Variants in TG observed in about 807,000 individuals in gnomAD.
TG encodes thyroglobulin, also known as thyroid hormones.
In TG, 270 loss-of-function variants were observed where a neutral mutation model predicts 324.7. The observed-to-expected ratio is 0.83, with a 90% confidence interval of 0.75 to 0.92. The LOEUF is 0.92. Among genes scored for constraint, TG ranks in the 40% least tolerant of loss-of-function variants. TG has a pLI of 0.00. For synonymous variants in TG, 1,401 were observed against 1,327.0 expected (o/e 1.06, Z -1.21); for missense variants, 3,591 against 3,456.4 (o/e 1.04, Z -0.98).
chr8:132,907,750 A>G (rs1314957986), intron 17 of TG, among the ~76,000 whole-genome samples: 1 of 152,150 alleles, frequency 6.6e-6, no homozygotes, highest in African/African-American at 2.4e-5. Flanking sequence ...AGAGGCACAA[A>G]TCTTGAGCTC....
chr8:132,879,605 C>A (rs1013115160), intron 5 of TG, among the ~76,000 whole-genome samples: 6 of 152,214 alleles, frequency 3.9e-5, no homozygotes, highest in African/African-American at 1.2e-4. Flanking sequence ...AAGATGGCAG[C>A]ACAGGGTGTC....
intron 35 of TG, among the ~76,000 whole-genome samples, chr8:132,996,006 C>T (rs1170431385): frequency 6.6e-6 from 1 of 152,162 alleles, no homozygotes; most frequent in Non-Finnish European, 1.5e-5. Context: ...CTTTATGAGG[C>T]TGCAGCTGAG....
chr8:132,983,346 T>A lies in TG; in HGVS notation c.6200-4T>A, dbSNP rs754351468. ...GAACTGAAAGACTGCTTTTTCCTTT[T>A]CAGTTGCTCAAAATAATGCTCCCAG... On this transcript the variant is annotated splice_polypyrimidine_tract_variant and splice_region_variant and intron_variant, in intron 34 of 47. Transcript: ENST00000220616. 2 of 1,614,154 alleles carry A rather than the reference T, an allele frequency of 1.2e-6. No individual in the cohort carries two copies. Among genetic ancestry groups the A allele is most frequent in the Non-Finnish European group, 8.5e-7 (1 of 1,180,006 alleles).
chr8:132,903,844 T>C (rs997104006), intron 16 of TG, among the ~76,000 whole-genome samples: 2 of 152,170 alleles, frequency 1.3e-5, no homozygotes, highest in African/African-American at 2.4e-5. Flanking sequence ...TCTCAATCTG[T>C]GAAATGAGAA....
chr8:133,096,491 T>C, intron 43 of TG, 118 bp downstream of exon 43: 1 of 1,263,504 alleles, frequency 7.9e-7, no homozygotes, highest in Non-Finnish European at 1.1e-6. Context: ...CTGTGTGCAA[T>C]GCCTATGTGA....
intron 45 of TG, among the ~76,000 whole-genome samples, chr8:133,124,002 G>A (rs753588479): frequency 2.7e-4 from 41 of 152,370 alleles, no homozygotes; most frequent in Non-Finnish European, 4.3e-4. Flanking sequence ...ATGCTGCTTC[G>A]TGTATTATGC....
At position 132,883,039 on chromosome 8, in the gene TG, C is replaced by T. The variant is rs767810659; in HGVS notation, c.1075+40C>T. On this transcript the variant is annotated intron_variant, in intron 8 of 47. Coordinates refer to ENST00000220616, the MANE Select transcript of TG (RefSeq NM_003235.5). ...GGGGCTTCCTCTTTCGGCCTCGGAT[C>T]ATATTACTTTGGCGGTCCTCCAGAC... The T allele has an allele frequency of 2.5e-6, 4 of 1,601,886 alleles. No homozygotes were observed. In the South Asian group the frequency reaches 4.5e-5, roughly 18 times the overall value.
intron 43 of TG, among the ~76,000 whole-genome samples, chr8:133,105,802 C>T (rs752774196): frequency 6.6e-6 from 1 of 152,140 alleles, no homozygotes; most frequent in East Asian, 1.9e-4. Context: ...GACAGCAGAA[C>T]GAGGTTCCAG....
chr8:132,887,816 T>C (rs1318546092), intron 9 of TG, among the ~76,000 whole-genome samples, 168 bp from the exon 10 acceptor site: 1 of 152,302 alleles, frequency 6.6e-6, no homozygotes, highest in East Asian at 1.9e-4. Flanking sequence ...GCTGATTTAG[T>C]CATGGGGCAA....
At chr8:132,904,153 C>T (rs139083317) in intron 16 of TG, among the ~76,000 whole-genome samples, 98 of 152,276 alleles carry the variant, frequency 6.4e-4, no homozygotes, top group African/African-American at 2.2e-3. Context: ...ATCTGCAGGA[C>T]GTGGCTGATA....
At chr8:133,053,503 G>A (rs1336063992) in intron 41 of TG, among the ~76,000 whole-genome samples, 1 of 152,174 alleles carries the variant, frequency 6.6e-6, no homozygotes, top group Non-Finnish European at 1.5e-5. Flanking sequence ...TTTGTGGGAG[G>A]CAGCTGGGTA....
intron 41 of TG, among the ~76,000 whole-genome samples, chr8:133,089,830 C>T (rs961053906): frequency 3.3e-5 from 5 of 152,180 alleles, no homozygotes; most frequent in South Asian, 4.1e-4. Context: ...CACTCCCCCT[C>T]GGAATGGTCA....
At chr8:133,125,585 A>G (rs962321917) in intron 45 of TG, among the ~76,000 whole-genome samples, 1 of 152,224 alleles carries the variant, frequency 6.6e-6, no homozygotes, top group Non-Finnish European at 1.5e-5. Flanking sequence ...AAGCAACCAC[A>G]ACTGAAATGG....
At chr8:133,013,798 G>A (rs771200390) in intron 37 of TG, 34 bp downstream of exon 37, 1 of 1,598,378 alleles carries the variant, frequency 6.3e-7, no homozygotes, top group Non-Finnish European at 8.5e-7. Context: ...CAGCCATCCT[G>A]GGAAACTGGG....
At chr8:132,925,830 A>G (rs1821792359) in intron 22 of TG, among the ~76,000 whole-genome samples, 1 of 152,132 alleles carries the variant, frequency 6.6e-6, no homozygotes, top group Non-Finnish European at 1.5e-5. Context: ...TGCAGTTTGT[A>G]GGGCATTTCA....
At chr8:133,035,351 A>G (rs573586564) in intron 41 of TG, among the ~76,000 whole-genome samples, 2 of 152,282 alleles carry the variant, frequency 1.3e-5, no homozygotes, top group East Asian at 1.9e-4. Context: ...TTGATTTCCA[A>G]TTTTATTGCT....
intron 20 of TG, among the ~76,000 whole-genome samples, chr8:132,915,862 C>A (rs1242218667): frequency 6.6e-6 from 1 of 152,216 alleles, no homozygotes; most frequent in Non-Finnish European, 1.5e-5. Context: ...GTCAATCACA[C>A]CACATGGCCC....
intron 40 of TG, 125 bp from the exon 41 acceptor site, chr8:133,029,696 C>A: frequency 8.7e-7 from 1 of 1,152,012 alleles, no homozygotes; most frequent in Non-Finnish European, 1.3e-6. Flanking sequence ...CAGTCTCTAC[C>A]TGTGAGGACA....
chr8:132,918,220 A>G (rs1050385580), intron 20 of TG, among the ~76,000 whole-genome samples: 1 of 152,194 alleles, frequency 6.6e-6, no homozygotes, highest in Admixed American at 6.5e-5. Context: ...TGGGATTTGC[A>G]GCGGAAGTTA....
Sources: allele counts gnomAD v4.1 joint callset (sites outside exome capture counted in the v4.1 genomes callset), GRCh38; gene constraint gnomAD v4.1.1; transcripts MANE v1.5; gene names NCBI Gene and HGNC (gene_info 2026-07-23, HGNC 2026-07-21).